Variants in HDAC4 observed in about 807,000 individuals in gnomAD.
HDAC4 encodes histone deacetylase A.
A neutral mutation model predicts 135.1 loss-of-function variants in HDAC4; 16 were observed. The ratio of observed to expected loss-of-function variants is 0.12; its 90% confidence interval spans 0.08 to 0.18. The LOEUF is 0.18. HDAC4 is among the 10% of genes least tolerant of loss of function. The pLI is 1.00. For synonymous variants in HDAC4, 685 were observed against 653.4 expected (o/e 1.05, Z -0.74); for missense variants, 1,143 against 1,511.8 (o/e 0.76, Z 4.05).
chr2:239,298,191 G>C (rs1182402849), intron 2 of HDAC4: 1 of 1,288,522 alleles, frequency 7.8e-7, no homozygotes, highest in Non-Finnish European at 1.0e-6. Context: ...AGCAAGCTCA[G>C]GGAACAGCAG....
intron 1 of HDAC4, among the ~76,000 whole-genome samples, chr2:239,364,488 A>G (rs1453953341): frequency 2.0e-5 from 3 of 152,088 alleles, no homozygotes; most frequent in Non-Finnish European, 4.4e-5. Flanking sequence ...CACTAATCCG[A>G]GGTGGGAGAC....
intron 2 of HDAC4, among the ~76,000 whole-genome samples, chr2:239,312,361 A>C (rs1004496762): frequency 6.6e-6 from 1 of 151,876 alleles, no homozygotes; most frequent in Non-Finnish European, 1.5e-5. Flanking sequence ...CCTGCTGCCC[A>C]CCCCCAACTG....
intron 1 of HDAC4, among the ~76,000 whole-genome samples, chr2:239,373,304 TC>T (rs1054635297): frequency 2.6e-4 from 40 of 152,280 alleles, no homozygotes; most frequent in Middle Eastern, 3.4e-3. Context: ...AAGCACGATC[TC>T]TGCTGACTTT....
At chr2:239,137,688 C>T (rs1295078114) in intron 9 of HDAC4, among the ~76,000 whole-genome samples, 10 of 152,190 alleles carry the variant, frequency 6.6e-5, no homozygotes, top group African/African-American at 1.9e-4. Context: ...CTACACTCTG[C>T]ACCACGTGAG....
chr2:239,225,487 A>ACTCCCACCACCTGCAGGGTG (rs1373065298), intron 3 of HDAC4, among the ~76,000 whole-genome samples: 1 of 152,192 alleles, frequency 6.6e-6, no homozygotes, highest in African/African-American at 2.4e-5. Context: ...GCATAGCTGG[A>ACTCCCACCACCTGCAGGGTG]CTCCCACCAC....
intron 3 of HDAC4, among the ~76,000 whole-genome samples, chr2:239,223,032 A>C (rs1050276543): frequency 3.9e-5 from 6 of 152,208 alleles, no homozygotes; most frequent in Non-Finnish European, 7.3e-5. Context: ...GGATAAAAAT[A>C]TATTGTCTGA....
intron 2 of HDAC4, among the ~76,000 whole-genome samples, chr2:239,241,554 C>T (rs1442303991): frequency 4.6e-5 from 7 of 152,208 alleles, no homozygotes; most frequent in Non-Finnish European, 2.9e-5. Context: ...TTAAATGCTG[C>T]AGATATCCTC....
chr2:239,109,140 G>A (rs1008910389), intron 14 of HDAC4, among the ~76,000 whole-genome samples: 10 of 152,206 alleles, frequency 6.6e-5, no homozygotes, highest in African/African-American at 1.9e-4. Flanking sequence ...GGGCTGCCCC[G>A]AGGCCCTGCC....
At chr2:239,378,159 C>T (rs1695157694) in intron 1 of HDAC4, among the ~76,000 whole-genome samples, 1 of 152,040 alleles carries the variant, frequency 6.6e-6, no homozygotes, top group Admixed American at 6.5e-5. Flanking sequence ...AGATCTGGCC[C>T]GGGAGACACC....
chr2:239,124,455 T>C (rs75786543), intron 12 of HDAC4, among the ~76,000 whole-genome samples: 2,368 of 152,372 alleles, frequency 0.016, 61 homozygotes, highest in African/African-American at 0.054. Flanking sequence ...TGCTGCCGCT[T>C]GTCAGTGTCA....
chr2:239,230,264 G>A (rs2047466515), intron 3 of HDAC4, among the ~76,000 whole-genome samples: 1 of 151,362 alleles, frequency 6.6e-6, no homozygotes, highest in Non-Finnish European at 1.5e-5. Context: ...CATTGGGTTG[G>A]GGGACTTAGA....
At chr2:239,151,084 T>A (rs2042090647) in intron 7 of HDAC4, among the ~76,000 whole-genome samples, 2 of 152,248 alleles carry the variant, frequency 1.3e-5, no homozygotes, top group African/African-American at 2.4e-5. Flanking sequence ...GAGAGCCCCT[T>A]CCCAAACTCA....
chr2:239,231,347 T>TC (rs2047541967), intron 3 of HDAC4, among the ~76,000 whole-genome samples: 1 of 152,172 alleles, frequency 6.6e-6, no homozygotes, highest in Admixed American at 6.5e-5. Flanking sequence ...GATGTCTTTC[T>TC]CCCCAGTAGC....
Position 239,082,204 on chromosome 2 carries a change from G to A in HDAC4, c.2550C>T (p.Asn850=), listed in dbSNP as rs370274367. Residue 850 remains asparagine (N), a synonymous_variant, in exon 21 of 27, where the codon AAC becomes AAT. Transcript: ENST00000543185. ...CGCTGTAGAAAGCCTGCTGGGTCCC[G>A]TTTCCATGGTGCACGTCCTTAAAGA... ...LIVDWDVHHG[N]GTQQAFYSDP... 111 of 1,614,096 alleles carry A rather than the reference G, an allele frequency of 6.9e-5. No homozygotes were observed. The highest frequency in any genetic ancestry group is 1.1e-4 in the South Asian group (10 of 91,090).
chr2:239,151,097 G>T (rs1422768098), intron 7 of HDAC4, among the ~76,000 whole-genome samples: 2 of 152,264 alleles, frequency 1.3e-5, no homozygotes, highest in Non-Finnish European at 2.9e-5. Context: ...CAAACTCAGG[G>T]ATGAATGTGA....
intron 3 of HDAC4, among the ~76,000 whole-genome samples, chr2:239,226,931 A>C (rs1299268440): frequency 1.3e-5 from 2 of 152,240 alleles, no homozygotes; most frequent in Non-Finnish European, 2.9e-5. Context: ...TCACGTTGTC[A>C]GGATCCCTCC....
chr2:239,285,692 G>C lies in HDAC4; in HGVS notation c.23-49028C>G, dbSNP rs1024031912. On this transcript the variant is annotated intron_variant, in intron 2 of 26. Coordinates refer to ENST00000543185, the MANE Select transcript of HDAC4 (RefSeq NM_001378414.1). This position sits in a 1 kb window ranked among gnomAD's most constrained non-coding sequence, Gnocchi z 4.5. Reference sequence around the variant, plus strand: ...CATAAGACATACCTTCTGTCACACTGCTGGGCTCACCAGCAGTAAGGAAAC... The same window carrying C: ...CATAAGACATACCTTCTGTCACACTCCTGGGCTCACCAGCAGTAAGGAAAC... Among the ~76,000 whole-genome samples, 12 of 152,282 alleles carry C rather than the reference G, an allele frequency of 7.9e-5. No homozygotes were observed. The highest frequency in any genetic ancestry group is 2.9e-4 in the African/African-American group (12 of 41,554).
At chr2:239,217,007 A>G (rs1207898599) in intron 3 of HDAC4, among the ~76,000 whole-genome samples, 2 of 152,160 alleles carry the variant, frequency 1.3e-5, no homozygotes, top group African/African-American at 4.8e-5. Flanking sequence ...CCCCAGTGTA[A>G]CCCCAAACCC....
chr2:239,362,361 GC>G (rs1191676433), intron 1 of HDAC4, among the ~76,000 whole-genome samples: 2 of 152,178 alleles, frequency 1.3e-5, no homozygotes, highest in African/African-American at 2.4e-5. Flanking sequence ...TCCTCCCGCA[GC>G]TTGGAAATTT....
Sources: gnomAD v4.1 joint callset for allele counts (sites outside exome capture counted in the v4.1 genomes callset) on GRCh38, gnomAD v4.1.1 for gene constraint, Gnocchi (gnomAD v3.1) non-coding constraint, MANE v1.5 for transcripts, NCBI Gene and HGNC (gene_info 2026-07-23, HGNC 2026-07-21) for gene names.